The following ZC2HC1A variants were observed in gnomAD, a reference collection of about 807,000 sequenced individuals.
ZC2HC1A encodes the protein zinc finger C2HC-type containing 1A.
A neutral mutation model predicts 40.7 loss-of-function variants in ZC2HC1A; 28 were observed. The observed-to-expected ratio is 0.69, with a 90% CI of 0.51 to 0.94. ZC2HC1A has a LOEUF of 0.94. ZC2HC1A is among the 40% of genes least tolerant of loss of function. The pLI, the probability that ZC2HC1A is intolerant of heterozygous loss-of-function variation, is 0.00. For missense variants in ZC2HC1A, 389 were observed against 386.3 expected (o/e 1.01, Z -0.06); for synonymous variants, 129 against 129.2 (o/e 1.00, Z 0.01).
At chr8:78,675,592 A>T (rs1208594293) in intron 1 of ZC2HC1A, among the ~76,000 whole-genome samples, 195 bp from the exon 2 acceptor site, 3 of 152,004 alleles carry the variant, frequency 2.0e-5, no homozygotes, top group Non-Finnish European at 4.4e-5. Context: ...CTCCATATTT[A>T]TCCTGACCTT....
intron 5 of ZC2HC1A, among the ~76,000 whole-genome samples, chr8:78,690,603 A>G (rs995029529): frequency 3.9e-5 from 6 of 151,962 alleles, no homozygotes; most frequent in Non-Finnish European, 5.9e-5. Flanking sequence ...TTACATTTAT[A>G]TATACATTTT....
At chr8:78,696,608 T>C (rs1276143793) in intron 5 of ZC2HC1A, among the ~76,000 whole-genome samples, 1 of 152,200 alleles carries the variant, frequency 6.6e-6, no homozygotes, top group Non-Finnish European at 1.5e-5. Context: ...AAGATGTCTC[T>C]TTAGAGGAGT....
intron 7 of ZC2HC1A, among the ~76,000 whole-genome samples, chr8:78,702,203 G>A (rs10089216): frequency 0.65 from 98,580 of 151,920 alleles, 33,830 homozygotes; most frequent in East Asian, 0.9. Context: ...TCTTGGGAGG[G>A]TGTAGGTGTC....
intron 7 of ZC2HC1A, among the ~76,000 whole-genome samples, chr8:78,700,228 C>T (rs1255031345): frequency 5.9e-5 from 9 of 152,116 alleles, no homozygotes; most frequent in Non-Finnish European, 1.2e-4. Context: ...TGATGTTGAG[C>T]TTTTTTTCAT....
rs553582081 is a variant in ZC2HC1A, at chr8:78,681,109, G to C, written c.210+2430G>C. Among the ~76,000 whole-genome samples, 50 of 151,812 alleles carry C rather than the reference G, an allele frequency of 3.3e-4. No homozygotes were observed. In the South Asian group the frequency reaches 0.01, roughly 30 times the overall value. ...TTTTGAAGTGGTTCTCATAGGATCT[G>C]AGGGAAGCAGGGTGTAATTACACAG... On this transcript the variant is annotated intron_variant, in intron 3 of 8. Transcript: ENST00000263849.
At chr8:78,677,155 A>G (rs1809607345) in intron 2 of ZC2HC1A, among the ~76,000 whole-genome samples, 1 of 152,130 alleles carries the variant, frequency 6.6e-6, no homozygotes, top group South Asian at 2.1e-4. Flanking sequence ...CCAAAGTTTG[A>G]CAGTTCTACC....
At chr8:78,702,455 A>G (rs1450128365) in intron 7 of ZC2HC1A, among the ~76,000 whole-genome samples, 1 of 152,056 alleles carries the variant, frequency 6.6e-6, no homozygotes, top group Non-Finnish European at 1.5e-5. Flanking sequence ...TTTTTCATGT[A>G]TCTTCTTCAG....
At chr8:78,706,016 C>T (rs952544662) in intron 7 of ZC2HC1A, among the ~76,000 whole-genome samples, 5 of 152,108 alleles carry the variant, frequency 3.3e-5, no homozygotes, top group African/African-American at 1.2e-4. Context: ...CCTGCTTAAC[C>T]AGCAGTCTGA....
chr8:78,689,506 C>A, intron 5 of ZC2HC1A, 133 bp downstream of exon 5: 5 of 780,672 alleles, frequency 6.4e-6, no homozygotes, highest in African/African-American at 1.8e-5. Context: ...TTTTATATAT[C>A]TATAAAAGTT....
Position 78,717,503 on chromosome 8 carries a change from C to CAAA in ZC2HC1A, c.*22_*24dup, listed in dbSNP as rs5892663. The CAAA allele has an allele frequency of 4.0e-4, 507 of 1,255,242 alleles. 1 individual carries two copies. The highest frequency in any genetic ancestry group is 9.0e-4 in the South Asian group (44 of 48,894). The allele number at this position is 1,255,242 out of a possible 1,614,324, so 77.8% of individuals were successfully genotyped here. A position where few individuals can be genotyped will look rare whatever the true frequency, so the allele number is the denominator to read the frequency against. ...AAGAATGATTCTATGAATAGAATCT[C>CAAA]AAAAAAAAAAAAAAGCCAAGTTCAG... On this transcript the variant is annotated 3_prime_UTR_variant, in exon 9 of 9. Coordinates refer to ENST00000263849, the MANE Select transcript of ZC2HC1A (RefSeq NM_016010.3).
chr8:78,666,307 C>T, intron 1 of ZC2HC1A, 143 bp downstream of exon 1: 1 of 1,352,352 alleles, frequency 7.4e-7, no homozygotes, highest in South Asian at 1.3e-5. Context: ...GAGGCTGGGG[C>T]CGAAGGGAAC....
At chr8:78,696,023 T>C (rs1302643074) in intron 5 of ZC2HC1A, among the ~76,000 whole-genome samples, 2 of 152,076 alleles carry the variant, frequency 1.3e-5, no homozygotes, top group Non-Finnish European at 2.9e-5. Flanking sequence ...AAAATGATAA[T>C]TTAAAACCAA....
chr8:78,697,682 CTTTT>C (rs370060109), intron 6 of ZC2HC1A, among the ~76,000 whole-genome samples, 176 bp downstream of exon 6: 6 of 139,660 alleles, frequency 4.3e-5, no homozygotes, highest in Non-Finnish European at 7.8e-5. Flanking sequence ...TACTTTTAAC[CTTTT>C]TTTTTTTTTT....
In ZC2HC1A at chr8:78,718,414, T is replaced by C. The variant is rs1166656113; in HGVS notation, c.*921T>C. On this transcript the variant is annotated 3_prime_UTR_variant, in exon 9 of 9. Transcript: ENST00000263849. ...GTATCTGAATTTAGAATAAATCATT[T>C]TAATGCATCTTAAATCACGTCACCT... The C allele has an allele frequency of 6.6e-6, 1 of 151,992 alleles. No individual in the cohort carries two copies. Among genetic ancestry groups the C allele is most frequent in the East Asian group, 1.9e-4 (1 of 5,202 alleles). 9.4% of individuals were successfully genotyped at this position (151,992 alleles called of 1,614,324 possible). A position where few individuals can be genotyped will look rare whatever the true frequency, so the allele number is the denominator to read the frequency against.
At chr8:78,682,008 G>A (rs1307295864) in intron 3 of ZC2HC1A, among the ~76,000 whole-genome samples, 1 of 150,688 alleles carries the variant, frequency 6.6e-6, no homozygotes, top group Non-Finnish European at 1.5e-5. Context: ...CTCCCAAAAT[G>A]TGGGGATTAC....
At chr8:78,701,479 C>A (rs1218798284) in intron 7 of ZC2HC1A, among the ~76,000 whole-genome samples, 2 of 152,160 alleles carry the variant, frequency 1.3e-5, no homozygotes, top group African/African-American at 4.8e-5. Context: ...TTTGGATGCC[C>A]CTTTATTTCT....
chr8:78,714,436 A>G (rs16906018), intron 7 of ZC2HC1A, among the ~76,000 whole-genome samples: 5,000 of 152,270 alleles, frequency 0.033, 108 homozygotes, highest in South Asian at 0.12. Flanking sequence ...AAATGTTTAT[A>G]TGAATTGTAC....
chr8:78,701,080 G>A (rs748532227), intron 7 of ZC2HC1A, among the ~76,000 whole-genome samples: 1 of 152,236 alleles, frequency 6.6e-6, no homozygotes, highest in South Asian at 2.1e-4. Flanking sequence ...AATTGCTTTA[G>A]GCAGTATCAC....
At chr8:78,712,147 A>G (rs1020811645) in intron 7 of ZC2HC1A, 2 of 1,162,240 alleles carry the variant, frequency 1.7e-6, no homozygotes, top group Non-Finnish European at 2.3e-6. Flanking sequence ...TTTTTCAGAT[A>G]TTTCCTTAAA....
Sources: allele counts gnomAD v4.1 joint callset (sites outside exome capture counted in the v4.1 genomes callset), GRCh38; gene constraint gnomAD v4.1.1; transcripts MANE v1.5; gene names NCBI Gene and HGNC (gene_info 2026-07-23, HGNC 2026-07-21).